The following FSHR variants were observed in gnomAD, a reference collection of about 807,000 sequenced individuals.
The protein encoded by FSHR is follicle-stimulating hormone receptor.
FSHR carries 46 observed loss-of-function variants against 52.1 expected under a neutral mutation model. That is an observed-to-expected ratio of 0.88 (90% CI 0.70 to 1.13). FSHR has a LOEUF of 1.13. Among genes scored for constraint, FSHR ranks in the 50% most tolerant of loss-of-function variants. FSHR has a pLI of 0.00. For missense variants in FSHR, 964 were observed against 834.6 expected (o/e 1.16, Z -1.91); for synonymous variants, 399 against 309.6 (o/e 1.29, Z -3.03).
intron 1 of FSHR, among the ~76,000 whole-genome samples, chr2:49,145,460 T>C (rs1343667116): frequency 6.6e-6 from 1 of 152,002 alleles, no homozygotes; most frequent in East Asian, 1.9e-4. Context: ...CATCCCACGG[T>C]GGTCAAGAAG....
chr2:49,047,391 C>T (rs1319926349), intron 2 of FSHR, among the ~76,000 whole-genome samples: 1 of 152,168 alleles, frequency 6.6e-6, no homozygotes, highest in Non-Finnish European at 1.5e-5. Flanking sequence ...GAGTTTTCCA[C>T]CTGGTCAGAG....
At chr2:49,143,949 T>C (rs778588484) in intron 1 of FSHR, among the ~76,000 whole-genome samples, 7 of 152,022 alleles carry the variant, frequency 4.6e-5, no homozygotes, top group Non-Finnish European at 8.8e-5. Flanking sequence ...TGGTGGAAAG[T>C]ATATTTAAAA....
At chr2:49,091,579 G>C (rs978438454) in intron 1 of FSHR, among the ~76,000 whole-genome samples, 8 of 152,178 alleles carry the variant, frequency 5.3e-5, no homozygotes, top group Admixed American at 2.0e-4. Context: ...TTACAGGCAT[G>C]AGCCATCATG....
chr2:48,982,392 T>C (rs536648580), intron 8 of FSHR, among the ~76,000 whole-genome samples: 2 of 152,194 alleles, frequency 1.3e-5, no homozygotes, highest in Non-Finnish European at 2.9e-5. Context: ...AAAAATAATG[T>C]GTATATAGGT....
At chr2:48,990,401 G>T (rs1424431447) in intron 5 of FSHR, among the ~76,000 whole-genome samples, 165 bp downstream of exon 5, 2 of 152,166 alleles carry the variant, frequency 1.3e-5, no homozygotes, top group Admixed American at 1.3e-4. Context: ...TGACTGGCCT[G>T]CAGGTAAAAT....
intron 1 of FSHR, among the ~76,000 whole-genome samples, chr2:49,088,819 A>G (rs1670493714): frequency 6.7e-6 from 1 of 150,260 alleles, no homozygotes; most frequent in Admixed American, 6.8e-5. Context: ...AGTCACAAGG[A>G]AAGCTGATCA....
chr2:49,119,385 T>G (rs550916606), intron 1 of FSHR, among the ~76,000 whole-genome samples: 66 of 150,796 alleles, frequency 4.4e-4, no homozygotes, highest in African/African-American at 1.5e-3. Flanking sequence ...TCTTTGTTTT[T>G]TTTTTGTTTT....
At chr2:48,980,124 G>C (rs542291902) in intron 8 of FSHR, among the ~76,000 whole-genome samples, 1 of 152,186 alleles carries the variant, frequency 6.6e-6, no homozygotes, top group Non-Finnish European at 1.5e-5. Context: ...CCCCAGAAAG[G>C]GGGGCTTGAT....
chr2:49,078,273 C>A (rs1053286263), intron 1 of FSHR, among the ~76,000 whole-genome samples: 4 of 152,120 alleles, frequency 2.6e-5, no homozygotes, highest in Admixed American at 2.6e-4. Context: ...TGCAGGGGAA[C>A]TCCTCTTTTT....
rs545518235 is a variant in FSHR, at chr2:49,048,127, C to G, written c.224+20092G>C. On this transcript the variant is annotated intron_variant, in intron 2 of 9. Transcript: ENST00000406846. The stretch of plus-strand genomic sequence containing the variant: ...TCTCAAACTCCTGACCTCAAGTGAT[C>G]TGCCAGTCACAGCCTCCCAAAATGC... 3.2e-4 allele frequency among the ~76,000 whole-genome samples: 49 copies of G among 152,242 alleles called. No homozygotes were observed. In the South Asian group the frequency reaches 8.9e-3, roughly 28 times the overall value.
At chr2:49,111,125 T>G (rs1004909874) in intron 1 of FSHR, among the ~76,000 whole-genome samples, 1 of 152,214 alleles carries the variant, frequency 6.6e-6, no homozygotes, top group Admixed American at 6.5e-5. Flanking sequence ...GTCACTATCT[T>G]GTCCTTATTA....
In FSHR at chr2:49,023,917, A is replaced by G. The variant is rs74654739; in HGVS notation, c.225-3757T>C. 4.7e-3 allele frequency among the ~76,000 whole-genome samples: 722 copies of G among 152,196 alleles called. 3 individuals carry two copies. The highest frequency in any genetic ancestry group is 0.016 in the African/African-American group (658 of 41,504). The stretch of plus-strand genomic sequence containing the variant: ...CCATTATGAAATTCCTTTCCTTCAA[A>G]TATACAAGTACATTTGATGGAGGGT... On this transcript the variant is annotated intron_variant, in intron 2 of 9. Coordinates refer to ENST00000406846, the MANE Select transcript of FSHR (RefSeq NM_000145.4).
chr2:49,069,459 T>C (rs1669647592), intron 1 of FSHR, among the ~76,000 whole-genome samples: 1 of 152,158 alleles, frequency 6.6e-6, no homozygotes, highest in East Asian at 1.9e-4. Context: ...TTCCTGCTGC[T>C]TTAATTTTTC....
intron 2 of FSHR, among the ~76,000 whole-genome samples, chr2:49,068,012 C>T (rs953017046): frequency 6.6e-6 from 1 of 151,218 alleles, no homozygotes; most frequent in African/African-American, 2.4e-5. Flanking sequence ...TTGGATTGCT[C>T]TTTTGCTCAT....
intron 4 of FSHR, among the ~76,000 whole-genome samples, chr2:49,014,070 G>C (rs1490468620): frequency 6.6e-6 from 1 of 152,084 alleles, no homozygotes; most frequent in Non-Finnish European, 1.5e-5. Context: ...TCCTGATCTT[G>C]GGCTTCTAGC....
intron 1 of FSHR, among the ~76,000 whole-genome samples, chr2:49,131,301 G>C (rs1672253378): frequency 6.6e-6 from 1 of 152,078 alleles, no homozygotes; most frequent in Non-Finnish European, 1.5e-5. Context: ...TATCTAATTG[G>C]AGCCTATTTG....
intron 9 of FSHR, among the ~76,000 whole-genome samples, chr2:48,964,469 C>T (rs977069611): frequency 2.5e-4 from 38 of 152,294 alleles, no homozygotes; most frequent in African/African-American, 8.2e-4. Context: ...AGTTCCCAGC[C>T]AGCCCCTATT....
intron 4 of FSHR, chr2:48,997,259 G>C (rs1039197984): frequency 7.1e-6 from 7 of 984,854 alleles, no homozygotes; most frequent in African/African-American, 5.2e-5. Flanking sequence ...CTGGTTTCTT[G>C]CCTTTTCGAT....
At chr2:49,127,817 CTTCTTCTTCT>C (rs1672085320) in intron 1 of FSHR, among the ~76,000 whole-genome samples, 4 of 49,730 alleles carry the variant, frequency 8.0e-5, no homozygotes, top group African/African-American at 3.3e-4. Context: ...TCTTCTTCTT[CTTCTTCTTCT>C]TCCTCTTCTT....
Sources: gnomAD v4.1 joint callset for allele counts (sites outside exome capture counted in the v4.1 genomes callset) on GRCh38, gnomAD v4.1.1 for gene constraint, MANE v1.5 for transcripts, NCBI Gene and HGNC (gene_info 2026-07-23, HGNC 2026-07-21) for gene names.